The following NFIB variants were observed in gnomAD, a reference collection of about 807,000 sequenced individuals.
NFIB encodes the protein nuclear factor 1 B-type.
NFIB carries 11 observed loss-of-function variants against 61.5 expected under a neutral mutation model. The ratio of observed to expected loss-of-function variants is 0.18; its 90% CI spans 0.11 to 0.30. The LOEUF (loss-of-function observed/expected upper bound fraction) is 0.30. Among genes scored for constraint, NFIB ranks in the 10% least tolerant of loss-of-function variants. NFIB has a pLI of 1.00. For missense variants in NFIB, 471 were observed against 608.9 expected (o/e 0.77, Z 2.38); for synonymous variants, 260 against 216.5 (o/e 1.20, Z -1.76).
intron 2 of NFIB, among the ~76,000 whole-genome samples, chr9:14,216,504 C>T (rs995424454): frequency 2.1e-3 from 5 of 2,404 alleles, no homozygotes; most frequent in Non-Finnish European, 0.016. Context: ...CTCTCTCTCT[C>T]TCTCTCTCTC....
At position 14,307,561 on chromosome 9, in the gene NFIB, A is replaced by T; in HGVS notation, c.31-41T>A. On this transcript the variant is annotated intron_variant, in intron 1 of 10. Coordinates refer to ENST00000380953, the MANE Select transcript of NFIB (RefSeq NM_001190737.2). This position sits in a 1 kb window ranked among gnomAD's most constrained non-coding sequence, Gnocchi z 5.3. ...GGGTGAGGAAAAGATGTGCATAGTC[A>T]GTTTAATTTTAAAAGCTCAAAAAAT... The T allele has an allele frequency of 6.7e-7, 1 of 1,498,112 alleles. No homozygotes were observed. The highest frequency in any genetic ancestry group is 8.9e-7 in the Non-Finnish European group (1 of 1,123,832). The allele number at this position is 1,498,112 out of a possible 1,614,324, so 92.8% of individuals were successfully genotyped here. A position where few individuals can be genotyped will look rare whatever the true frequency, so the allele number is the denominator to read the frequency against.
the NFIB span, among the ~76,000 whole-genome samples, chr9:14,459,502 C>A: frequency 2.6e-5 from 4 of 152,208 alleles, no homozygotes; most frequent in South Asian, 2.1e-4. Flanking sequence ...GCAACAAAAG[C>A]CAAAATTGAC....
chr9:14,431,640 T>G, the NFIB span, among the ~76,000 whole-genome samples: 22 of 152,058 alleles, frequency 1.4e-4, no homozygotes, highest in African/African-American at 4.6e-4. Flanking sequence ...TTTGTTTTTT[T>G]TTTTTTTTAC....
chr9:14,083,967 G>A lies in NFIB; in HGVS notation c.*4342C>T. On this transcript the variant is annotated 3_prime_UTR_variant, in exon 11 of 11. Coordinates refer to ENST00000380953, the MANE Select transcript of NFIB (RefSeq NM_001190737.2). ...TAAAGGCCGTATATACTAATAAAAA[G>A]ACAGTGGTGCTTCGACATTCTGAAA... The A allele has an allele frequency of 4.5e-6, 1 of 219,926 alleles. No individual in the cohort carries two copies. Among genetic ancestry groups the A allele is most frequent in the Non-Finnish European group, 9.1e-6 (1 of 109,462 alleles). The allele number at this position is 219,926 out of a possible 1,614,324, so 13.6% of individuals were successfully genotyped here.
At chr9:14,288,257 T>C (rs1036856954) in intron 2 of NFIB, among the ~76,000 whole-genome samples, 2 of 152,050 alleles carry the variant, frequency 1.3e-5, no homozygotes, top group African/African-American at 4.8e-5. Context: ...TTTAAGACAA[T>C]GTGTATAGGA....
At chr9:14,530,270 C>G in the NFIB span, among the ~76,000 whole-genome samples, 3 of 152,108 alleles carry the variant, frequency 2.0e-5, no homozygotes, top group Non-Finnish European at 2.9e-5. Context: ...AAGCATCTGC[C>G]AGTTGATTTC....
At chr9:14,405,722 A>G in the NFIB span, among the ~76,000 whole-genome samples, 3 of 152,230 alleles carry the variant, frequency 2.0e-5, no homozygotes, top group Non-Finnish European at 4.4e-5. Context: ...ACTGCTTCCA[A>G]AAAAACAGTA....
chr9:14,117,263 T>G (rs1033212131), intron 8 of NFIB, among the ~76,000 whole-genome samples: 2 of 152,192 alleles, frequency 1.3e-5, no homozygotes, highest in African/African-American at 4.8e-5. Flanking sequence ...ATAGAAAAGA[T>G]GTTACTATCT....
At chr9:14,201,670 C>T (rs2049045828) in intron 2 of NFIB, among the ~76,000 whole-genome samples, 1 of 152,074 alleles carries the variant, frequency 6.6e-6, no homozygotes, top group Admixed American at 6.5e-5. Context: ...ATTGTGACCT[C>T]CTGTATCCCA....
chr9:14,262,816 G>T (rs1290386857), intron 2 of NFIB, among the ~76,000 whole-genome samples: 1 of 152,076 alleles, frequency 6.6e-6, no homozygotes, highest in Non-Finnish European at 1.5e-5. Context: ...TGTTCCTGCT[G>T]CACCAGACCA....
At chr9:14,397,889 C>T (rs1397562627) in intron 1 of NFIB, among the ~76,000 whole-genome samples, 5 of 152,134 alleles carry the variant, frequency 3.3e-5, no homozygotes, top group African/African-American at 7.2e-5. Context: ...GTGACACATA[C>T]GGAGGAGATG....
intron 1 of NFIB, among the ~76,000 whole-genome samples, chr9:14,322,689 G>A (rs1158159323): frequency 1.3e-5 from 2 of 152,114 alleles, no homozygotes; most frequent in South Asian, 2.1e-4. Context: ...CGGGCGCGCC[G>A]CGATGCATAT....
chr9:14,322,882 G>A (rs769929673), intron 1 of NFIB, among the ~76,000 whole-genome samples: 52 of 152,016 alleles, frequency 3.4e-4, no homozygotes, highest in Non-Finnish European at 6.5e-4. Flanking sequence ...CTGCTGCCCA[G>A]GCTCCGCGCG....
chr9:14,511,192 T>C, the NFIB span, among the ~76,000 whole-genome samples: 2 of 152,178 alleles, frequency 1.3e-5, no homozygotes, highest in Non-Finnish European at 2.9e-5. Flanking sequence ...ACCAATTTTA[T>C]AGAAGAAAAA....
intron 6 of NFIB, among the ~76,000 whole-genome samples, chr9:14,143,002 T>C (rs2041920400): frequency 6.6e-6 from 1 of 152,082 alleles, no homozygotes; most frequent in Non-Finnish European, 1.5e-5. Flanking sequence ...AAATACTACA[T>C]AATATAGATG....
chr9:14,084,171 G>C lies in NFIB; in HGVS notation c.*4138C>G. On this transcript the variant is annotated 3_prime_UTR_variant, in exon 11 of 11. Coordinates refer to ENST00000380953, the MANE Select transcript of NFIB (RefSeq NM_001190737.2). ...TTTTTAATACATAACTTAAGAGACT[G>C]GAGAGTTTTAACTCAAGTCCAGTCT... 1 of 201,698 alleles carries C rather than the reference G, an allele frequency of 5.0e-6. No individual in the cohort carries two copies. The highest frequency in any genetic ancestry group is 1.0e-5 in the Non-Finnish European group (1 of 97,930). The allele number at this position is 201,698 out of a possible 1,614,324, so 12.5% of individuals were successfully genotyped here. A position where few individuals can be genotyped will look rare whatever the true frequency, so the allele number is the denominator to read the frequency against.
At chr9:14,498,791 C>T in the NFIB span, among the ~76,000 whole-genome samples, 3 of 64,442 alleles carry the variant, frequency 4.7e-5, no homozygotes, top group South Asian at 6.0e-4. Context: ...CCCTCCCTCC[C>T]TCCCTCCCTT....
intron 2 of NFIB, among the ~76,000 whole-genome samples, chr9:14,229,864 C>A (rs1185490935): frequency 6.6e-6 from 1 of 152,184 alleles, no homozygotes; most frequent in Non-Finnish European, 1.5e-5. Context: ...TGCAATGGCG[C>A]GATCTCGGCT....
the NFIB span, among the ~76,000 whole-genome samples, chr9:14,463,161 T>C: frequency 1.1e-4 from 16 of 149,832 alleles, no homozygotes; most frequent in Admixed American, 4.0e-4. Flanking sequence ...ATTGTTTTAT[T>C]AATTAATTAT....
Sources: gnomAD v4.1 joint callset for allele counts (sites outside exome capture counted in the v4.1 genomes callset) on GRCh38, gnomAD v4.1.1 for gene constraint, Gnocchi (gnomAD v3.1) non-coding constraint, MANE v1.5 for transcripts, NCBI Gene and HGNC (gene_info 2026-07-23, HGNC 2026-07-21) for gene names.